STPG2: variants seen among roughly 807,000 people sequenced by gnomAD.
STPG2 encodes the protein sperm tail PG-rich repeat containing 2, also known as sperm-tail PG-rich repeat-containing protein 2.
A neutral mutation model predicts 54.2 loss-of-function variants in STPG2; 56 were observed. That is an observed-to-expected ratio of 1.03 (90% confidence interval 0.83 to 1.29). The LOEUF is 1.29. Among genes scored for constraint, STPG2 ranks in the 50% most tolerant of loss-of-function variants. The pLI, the probability that STPG2 is intolerant of heterozygous loss-of-function variation, is 0.00. For missense variants in STPG2, 596 were observed against 544.9 expected (o/e 1.09, Z -0.93); for synonymous variants, 200 against 181.8 (o/e 1.10, Z -0.81).
chr4:97,531,113 C>A (rs931966501), intron 4 of STPG2, among the ~76,000 whole-genome samples: 5 of 152,078 alleles, frequency 3.3e-5, no homozygotes, highest in African/African-American at 1.2e-4. Context: ...TGTTCAACAG[C>A]ATTGAAATTA....
At chr4:97,970,274 A>C (rs868014014) in intron 7 of STPG2, among the ~76,000 whole-genome samples, 2 of 152,188 alleles carry the variant, frequency 1.3e-5, no homozygotes, top group African/African-American at 2.4e-5. Flanking sequence ...CATCAAGCTA[A>C]CAATGACTTT....
chr4:97,695,587 C>T (rs1477185167), intron 10 of STPG2, among the ~76,000 whole-genome samples: 1 of 151,890 alleles, frequency 6.6e-6, no homozygotes, highest in Non-Finnish European at 1.5e-5. Context: ...TGACAGTATA[C>T]CTAGAAAACC....
intron 4 of STPG2, among the ~76,000 whole-genome samples, chr4:97,523,747 T>G (rs182870320): frequency 6.6e-6 from 1 of 151,990 alleles, no homozygotes; most frequent in African/African-American, 2.4e-5. Flanking sequence ...ATAACTATCT[T>G]ATTTCATCCA....
At chr4:97,599,833 A>AAAAAAAAAAAAG (rs542582284) in intron 10 of STPG2, among the ~76,000 whole-genome samples, 1 of 147,168 alleles carries the variant, frequency 6.8e-6, no homozygotes, top group African/African-American at 2.7e-5. Flanking sequence ...CAAAAAAAAA[A>AAAAAAAAAAAAG]AAAAGAAAAG....
intron 8 of STPG2, among the ~76,000 whole-genome samples, chr4:97,910,563 A>G (rs1731639670): frequency 6.6e-6 from 1 of 152,250 alleles, no homozygotes; most frequent in African/African-American, 2.4e-5. Flanking sequence ...AAAGTGGTCC[A>G]GGATATATGC....
At chr4:97,769,384 C>A (rs1161717364) in intron 9 of STPG2, among the ~76,000 whole-genome samples, 1 of 152,098 alleles carries the variant, frequency 6.6e-6, no homozygotes, top group African/African-American at 2.4e-5. Flanking sequence ...CAAGCCCAGT[C>A]AAGATCAGTT....
intron 9 of STPG2, among the ~76,000 whole-genome samples, chr4:97,812,829 G>A: frequency 6.6e-6 from 1 of 152,048 alleles, no homozygotes; most frequent in East Asian, 1.9e-4. Context: ...CCTGAGCTTT[G>A]TATTTATATG....
chr4:98,018,181 C>A (rs1736033030), intron 5 of STPG2, among the ~76,000 whole-genome samples: 2 of 151,848 alleles, frequency 1.3e-5, no homozygotes, highest in South Asian at 4.2e-4. Context: ...CCCCACCCCA[C>A]AACAGTCCCC....
rs561149606 is a variant in STPG2 at position 97,831,306 on chromosome 4, G to T, written c.1204+9467C>A. ...ATAACGAAATGAAGGCAGAAATAAA[G>T]ATGTTCTTTGAAACCAATGAGAACA... On this transcript the variant is annotated intron_variant, in intron 9 of 10. Coordinates refer to ENST00000295268, the MANE Select transcript of STPG2 (RefSeq NM_174952.3). 7.2e-5 allele frequency among the ~76,000 whole-genome samples: 11 copies of T among 152,256 alleles called. No individual in the cohort carries two copies. In the East Asian group the frequency reaches 1.9e-3, roughly 27 times the overall value.
At chr4:97,856,792 G>C (rs1205616793) in intron 8 of STPG2, among the ~76,000 whole-genome samples, 1 of 152,082 alleles carries the variant, frequency 6.6e-6, no homozygotes, top group Non-Finnish European at 1.5e-5. Flanking sequence ...ATTGGCTGTG[G>C]GTTTGTCATA....
At chr4:97,763,707 C>T (rs1201490705) in intron 9 of STPG2, among the ~76,000 whole-genome samples, 1 of 152,082 alleles carries the variant, frequency 6.6e-6, no homozygotes, top group Non-Finnish European at 1.5e-5. Flanking sequence ...AGACTCCAGG[C>T]CCATGGAGGG....
At chr4:97,519,943 G>T (rs571588290) in intron 4 of STPG2, among the ~76,000 whole-genome samples, 1 of 151,994 alleles carries the variant, frequency 6.6e-6, no homozygotes, top group Admixed American at 6.6e-5. Flanking sequence ...TATCTTATTT[G>T]TTGTGTAACC....
intron 5 of STPG2, among the ~76,000 whole-genome samples, chr4:97,995,352 C>T (rs1356059518): frequency 6.6e-6 from 1 of 152,140 alleles, no homozygotes; most frequent in Non-Finnish European, 1.5e-5. Context: ...ATTCTCATGG[C>T]TTTCCCGGTA....
At chr4:97,759,738 G>T (rs1419210416) in intron 9 of STPG2, among the ~76,000 whole-genome samples, 3 of 152,112 alleles carry the variant, frequency 2.0e-5, no homozygotes, top group African/African-American at 7.2e-5. Flanking sequence ...TTGTTTGCTG[G>T]AGTTTCAGGT....
At chr4:97,571,824 C>G (rs1287436929) in intron 10 of STPG2, among the ~76,000 whole-genome samples, 1 of 152,104 alleles carries the variant, frequency 6.6e-6, no homozygotes, top group South Asian at 2.1e-4. Flanking sequence ...ATTTGGCTCA[C>G]AATAAATCTC....
chr4:97,674,106 A>G (rs1278117863), intron 10 of STPG2, among the ~76,000 whole-genome samples: 1 of 152,084 alleles, frequency 6.6e-6, no homozygotes, highest in Non-Finnish European at 1.5e-5. Flanking sequence ...CCCTTCTCTG[A>G]TCTTCTCTAC....
At chr4:97,911,104 C>T (rs1731661591) in intron 8 of STPG2, among the ~76,000 whole-genome samples, 1 of 152,216 alleles carries the variant, frequency 6.6e-6, no homozygotes, top group South Asian at 2.1e-4. Flanking sequence ...GATTGTGCGA[C>T]CCTGCCTGGG....
At chr4:97,942,896 C>CA (rs1217656885) in intron 8 of STPG2, among the ~76,000 whole-genome samples, 1 of 152,138 alleles carries the variant, frequency 6.6e-6, no homozygotes, top group Non-Finnish European at 1.5e-5. Context: ...CCAATTTCTA[C>CA]AAAAATGTAT....
chr4:97,549,743 C>A (rs1731924082), intron 4 of STPG2, among the ~76,000 whole-genome samples: 1 of 152,076 alleles, frequency 6.6e-6, no homozygotes. Flanking sequence ...GTTATGTTTC[C>A]ATAAATCAAG....
Sources: gnomAD v4.1 joint callset for allele counts (sites outside exome capture counted in the v4.1 genomes callset) on GRCh38, gnomAD v4.1.1 for gene constraint, MANE v1.5 for transcripts, NCBI Gene and HGNC (gene_info 2026-07-23, HGNC 2026-07-21) for gene names.